The following PAPPA variants were observed in gnomAD, a reference collection of about 807,000 sequenced individuals.
PAPPA encodes the protein pappalysin-1.
In PAPPA, 60 loss-of-function variants were observed where a neutral mutation model predicts 164.0. The observed-to-expected ratio is 0.37, with a 90% CI of 0.30 to 0.45. The LOEUF is 0.45. Among genes scored for constraint, PAPPA ranks in the 20% least tolerant of loss-of-function variants. The pLI is 1.00. For missense variants in PAPPA, 1,782 were observed against 2,087.3 expected, an observed-to-expected ratio of 0.85 and a Z score of 2.85; for synonymous variants, 875 against 814.1, an observed-to-expected ratio of 1.07 and a Z score of -1.27.
intron 9 of PAPPA, among the ~76,000 whole-genome samples, chr9:116,295,877 C>T (rs1030117518): frequency 6.6e-6 from 1 of 152,186 alleles, no homozygotes; most frequent in Admixed American, 6.5e-5. Flanking sequence ...GATTCATTAA[C>T]GTATTTCCAG....
intron 4 of PAPPA, among the ~76,000 whole-genome samples, chr9:116,215,091 T>C (rs993513982): frequency 2.6e-5 from 4 of 152,248 alleles, no homozygotes; most frequent in Non-Finnish European, 5.9e-5. Flanking sequence ...TGATAGGATA[T>C]TATAGGGCCA....
chr9:116,220,192 G>A, intron 5 of PAPPA, 63 bp downstream of exon 5: 1 of 1,318,000 alleles, frequency 7.6e-7, no homozygotes, highest in Admixed American at 2.0e-5. Flanking sequence ...AAGGAAACTT[G>A]GAAGGGAAGC....
At chr9:116,316,006 G>A (rs994716969) in intron 10 of PAPPA, among the ~76,000 whole-genome samples, 4 of 152,168 alleles carry the variant, frequency 2.6e-5, no homozygotes, top group Non-Finnish European at 2.9e-5. Context: ...ACTCACAAAG[G>A]TTAGGTCACT....
At position 116,377,663 on chromosome 9, in the gene PAPPA, G is replaced by A. The variant is rs369398547; in HGVS notation, c.4677+16G>A. 1 of 1,585,724 alleles carries A rather than the reference G, an allele frequency of 6.3e-7. No homozygotes were observed. The highest frequency in any genetic ancestry group is 8.7e-7 in the Non-Finnish European group (1 of 1,154,196). ...AGGCTGTGAGGTGAGTCACAAGGAA[G>A]GCACTCCTCAGTTCCCTGGAAATAA... On this transcript the variant is annotated intron_variant, in intron 20 of 21. Transcript: ENST00000328252.
At chr9:116,164,325 C>A (rs747561104) in intron 1 of PAPPA, among the ~76,000 whole-genome samples, 48 of 152,142 alleles carry the variant, frequency 3.2e-4, no homozygotes, top group Admixed American at 2.6e-4. Context: ...TTTGCTTTGA[C>A]CACTTGGATT....
intron 9 of PAPPA, among the ~76,000 whole-genome samples, chr9:116,281,099 A>G (rs1587984920): frequency 6.6e-6 from 1 of 152,264 alleles, no homozygotes. Flanking sequence ...ATTAAGTTTT[A>G]TGAGTAATCT....
At chr9:116,178,280 G>A (rs940693030) in intron 1 of PAPPA, among the ~76,000 whole-genome samples, 3 of 152,002 alleles carry the variant, frequency 2.0e-5, no homozygotes, top group African/African-American at 7.2e-5. Context: ...CTAATTTTTT[G>A]TATTTTTAGT....
intron 1 of PAPPA, among the ~76,000 whole-genome samples, chr9:116,172,891 G>T (rs888666814): frequency 1.1e-4 from 17 of 152,316 alleles, no homozygotes; most frequent in Admixed American, 5.9e-4. Flanking sequence ...ATTCCACGAT[G>T]TTTTACAGAG....
At chr9:116,318,182 A>T (rs1267024358) in intron 10 of PAPPA, 1 of 152,030 alleles carries the variant, frequency 6.6e-6, no homozygotes, top group Non-Finnish European at 1.5e-5. Context: ...CCTGGCCTTC[A>T]GATATAGATT....
chr9:116,248,761 G>C (rs981070615), intron 7 of PAPPA, among the ~76,000 whole-genome samples: 1 of 152,224 alleles, frequency 6.6e-6, no homozygotes, highest in Non-Finnish European at 1.5e-5. Flanking sequence ...ACATCATGTA[G>C]ATGGTCAATA....
intron 1 of PAPPA, among the ~76,000 whole-genome samples, chr9:116,178,523 A>T (rs1843863592): frequency 6.6e-6 from 1 of 152,214 alleles, no homozygotes. Flanking sequence ...ACTATTTATT[A>T]AGTACTTATT....
chr9:116,191,583 A>G (rs1401857118), intron 2 of PAPPA, among the ~76,000 whole-genome samples: 1 of 152,230 alleles, frequency 6.6e-6, no homozygotes, highest in Non-Finnish European at 1.5e-5. Flanking sequence ...TGGGAAAGTC[A>G]TATAGAAACA....
At chr9:116,234,093 C>T (rs527250950) in intron 6 of PAPPA, among the ~76,000 whole-genome samples, 8 of 152,202 alleles carry the variant, frequency 5.3e-5, no homozygotes, top group East Asian at 3.9e-4. Flanking sequence ...TCTTACCATC[C>T]GGTCTGTCTC....
intron 5 of PAPPA, among the ~76,000 whole-genome samples, chr9:116,222,535 A>G (rs955044568): frequency 4.6e-5 from 7 of 152,186 alleles, no homozygotes; most frequent in African/African-American, 1.7e-4. Context: ...AAATTCTGTC[A>G]TTTTCAACAA....
At chr9:116,241,327 G>A (rs888905039) in intron 7 of PAPPA, among the ~76,000 whole-genome samples, 2 of 152,154 alleles carry the variant, frequency 1.3e-5, no homozygotes, top group Admixed American at 6.6e-5. Context: ...GATAAAAGAA[G>A]CATGTTATTA....
At chr9:116,170,388 A>G (rs1033090113) in intron 1 of PAPPA, among the ~76,000 whole-genome samples, 5 of 152,172 alleles carry the variant, frequency 3.3e-5, no homozygotes, top group Non-Finnish European at 7.3e-5. Flanking sequence ...AATATAATCT[A>G]CAACTTTGTT....
chr9:116,366,978 T>C (rs7033487), intron 18 of PAPPA, among the ~76,000 whole-genome samples: 22,956 of 152,170 alleles, frequency 0.15, 1,940 homozygotes, highest in Non-Finnish European at 0.19. Context: ...GTGCTCATCA[T>C]TCACTCGGCC....
At chr9:116,178,094 T>C (rs1197874933) in intron 1 of PAPPA, among the ~76,000 whole-genome samples, 1 of 152,184 alleles carries the variant, frequency 6.6e-6, no homozygotes, top group African/African-American at 2.4e-5. Flanking sequence ...AAAGATATTA[T>C]TTTTTGTTTG....
intron 7 of PAPPA, among the ~76,000 whole-genome samples, chr9:116,263,428 C>G (rs187826614): frequency 1.4e-4 from 22 of 152,244 alleles, no homozygotes; most frequent in Admixed American, 4.6e-4. Flanking sequence ...TAGATGATGG[C>G]TGCATCTTCA....
Sources: gnomAD v4.1 joint callset for allele counts (sites outside exome capture counted in the v4.1 genomes callset) on GRCh38, gnomAD v4.1.1 for gene constraint, MANE v1.5 for transcripts, NCBI Gene and HGNC (gene_info 2026-07-23, HGNC 2026-07-21) for gene names.